SYN1: variants seen among roughly 807,000 people sequenced by gnomAD.
The protein encoded by SYN1 is synapsin-1.
A neutral mutation model predicts 44.6 loss-of-function variants in SYN1; 8 were observed. That is an observed-to-expected ratio of 0.18 (90% confidence interval 0.11 to 0.32). SYN1 has a LOEUF of 0.32. Among genes scored for constraint, SYN1 ranks in the 10% least tolerant of loss-of-function variants. SYN1 has a pLI of 1.00. For synonymous variants in SYN1, 275 were observed against 280.1 expected (o/e 0.98, Z 0.18); for missense variants, 451 against 639.4 (o/e 0.71, Z 3.18).
intron 5 of SYN1, among the ~76,000 whole-genome samples, chrX:47,598,548 C>G (rs1156973965): frequency 2.7e-5 from 3 of 111,792 alleles, no homozygotes; most frequent in Non-Finnish European, 3.8e-5. Flanking sequence ...TAAAAATTGG[C>G]CAGGTGCGGT....
At chrX:47,606,749 ATATT>A (rs1276758062) in intron 3 of SYN1, among the ~76,000 whole-genome samples, 192 bp downstream of exon 3, 2 of 98,963 alleles carry the variant, frequency 2.0e-5, no homozygotes, top group Non-Finnish European at 3.9e-5. Context: ...ATATATATAT[ATATT>A]TTTTTTTAAA....
At chrX:47,573,644 G>C (rs750820155) in intron 12 of SYN1, among the ~76,000 whole-genome samples, 1 of 111,278 alleles carries the variant, frequency 9.0e-6, no homozygotes, top group South Asian at 3.8e-4. Flanking sequence ...TTGGTGGCGG[G>C]GGGGCGAGTT....
rs371739376 is a variant in SYN1 at position 47,619,540 on chromosome X, C to T, written c.189G>A (p.Pro63=). ...CCGAGGACCCGGGGCTAGGGGCGGC[C>T]GGAGAGGCCGCTGGGGCGACCCCGG... The part of the protein sequence containing the change: ...RSSGVAPAAS[P]AAPSPGSSGG... Residue 63 remains proline (P), a synonymous_variant, in exon 1 of 13, where the codon CCG becomes CCA. Transcript: ENST00000295987. 3.4e-6 allele frequency: 4 copies of T among 1,188,113 alleles called. No homozygotes were observed. The African/African-American group carries it at 7.1e-5, about 21-fold the overall frequency.
chrX:47,605,979 G>A (rs924768424), intron 3 of SYN1, among the ~76,000 whole-genome samples: 2 of 108,263 alleles, frequency 1.8e-5, no homozygotes, highest in African/African-American at 6.8e-5. Flanking sequence ...TGTAATCTCC[G>A]CCTCTCGGGT....
chrX:47,589,115 C>G (rs2057838070), intron 5 of SYN1, among the ~76,000 whole-genome samples: 1 of 107,784 alleles, frequency 9.3e-6, no homozygotes, highest in South Asian at 4.1e-4. Flanking sequence ...GCCTGGCCAA[C>G]ATGGTTTCCA....
At chrX:47,619,123 C>T (rs977092965) in intron 1 of SYN1, among the ~76,000 whole-genome samples, 2 of 110,475 alleles carry the variant, frequency 1.8e-5, no homozygotes, top group African/African-American at 3.3e-5. Flanking sequence ...GGAACAGGTA[C>T]GCAGCAGGTG....
chrX:47,584,242 GATTGAGGATGATCAGGT>G (rs1333022937), intron 5 of SYN1, among the ~76,000 whole-genome samples: 6 of 109,153 alleles, frequency 5.5e-5, no homozygotes, highest in African/African-American at 2.0e-4. Flanking sequence ...GATGATCAGA[GATTGAGGATGATCAGGT>G]ATTGAGGATG....
At chrX:47,600,317 G>A (rs991370310) in intron 5 of SYN1, among the ~76,000 whole-genome samples, 8 of 110,588 alleles carry the variant, frequency 7.2e-5, no homozygotes, top group Non-Finnish European at 1.5e-4. Flanking sequence ...TCAGCCTCCT[G>A]AGTAGCTGGG....
At chrX:47,616,728 G>C (rs1433964370) in intron 1 of SYN1, among the ~76,000 whole-genome samples, 1 of 112,107 alleles carries the variant, frequency 8.9e-6, no homozygotes, top group Non-Finnish European at 1.9e-5. Flanking sequence ...AAATAATACA[G>C]TAAGAGATTA....
chrX:47,584,855 T>TATGATG (rs753438356), intron 5 of SYN1: 608 of 851,237 alleles, frequency 7.1e-4, no homozygotes, highest in Non-Finnish European at 9.8e-4. Flanking sequence ...GCTTTGCTGG[T>TATGATG]ATGATGATGA....
At position 47,609,896 on chromosome X, in the gene SYN1, G is replaced by A. The variant is rs763953907; in HGVS notation, c.378-2698C>T. 1.7e-4 allele frequency among the ~76,000 whole-genome samples: 19 copies of A among 111,460 alleles called. No homozygotes were observed. In the South Asian group the frequency reaches 5.7e-3, roughly 33 times the overall value. ...CAGGCCCCCAGGGTTTTGGAGTAGC[G>A]GTGACTTTTCCTGATGGTGGGCTGT... is the stretch of plus-strand genomic sequence containing the variant. On this transcript the variant is annotated intron_variant, in intron 1 of 12. Transcript: ENST00000295987.
chrX:47,617,966 G>C lies in SYN1; in HGVS notation c.377+1386C>G, dbSNP rs146767755. 5.9e-3 allele frequency among the ~76,000 whole-genome samples: 658 copies of C among 112,005 alleles called. 3 individuals are homozygous for C. The highest frequency in any genetic ancestry group is 0.021 in the African/African-American group (631 of 30,747). On this transcript the variant is annotated intron_variant, in intron 1 of 12. Coordinates refer to ENST00000295987, the MANE Select transcript of SYN1 (RefSeq NM_006950.3). ...GCATCCCTGAAGGAAAAGTCCTATG[G>C]GGAGGGGAAATGGGAGTGCAGAAAG...
intron 5 of SYN1, among the ~76,000 whole-genome samples, chrX:47,598,400 GA>G (rs113657775): frequency 0.081 from 8,153 of 100,226 alleles, 693 homozygotes; most frequent in East Asian, 0.25. Context: ...AAACAACTAA[GA>G]AAAAAAAAAA....
rs2057764063 is a variant in SYN1 at position 47,572,800 on chromosome X, G to A, written c.*64C>T. On this transcript the variant is annotated 3_prime_UTR_variant, in exon 13 of 13. Coordinates refer to ENST00000295987, the MANE Select transcript of SYN1 (RefSeq NM_006950.3). ...CAAGGGATTTGGAGACTCCAAAAGT[G>A]AGAAATGGATTCAGGGCCCAGAGAA... 12 of 1,201,815 alleles carry A rather than the reference G, an allele frequency of 1.0e-5. No individual in the cohort carries two copies. Among genetic ancestry groups the A allele is most frequent in the Admixed American group, 8.8e-5 (4 of 45,667 alleles).
In SYN1 at chrX:47,606,415, C is replaced by G. The variant is rs192683034; in HGVS notation, c.527+530G>C. Among the ~76,000 whole-genome samples the G allele has an allele frequency of 2.5e-3, 268 of 109,167 alleles. 1 individual carries two copies. Among genetic ancestry groups the G allele is most frequent in the Middle Eastern group, 4.7e-3 (1 of 213 alleles). 94.8% of individuals were successfully genotyped at this position (109,167 alleles called of 115,157 possible). On this transcript the variant is annotated intron_variant, in intron 3 of 12. Transcript: ENST00000295987. ...CATCTGGCATGCAGCAGATGTCTAG[C>G]AAATGTTTATTTAATTAATAATTGA...
At chrX:47,588,055 C>G (rs1603061207) in intron 5 of SYN1, among the ~76,000 whole-genome samples, 1 of 112,329 alleles carries the variant, frequency 8.9e-6, no homozygotes, top group Non-Finnish European at 1.9e-5. Flanking sequence ...TTTTACACTC[C>G]TGGGAGGTTA....
intron 5 of SYN1, among the ~76,000 whole-genome samples, chrX:47,592,020 T>C (rs2057849547): frequency 8.9e-6 from 1 of 111,820 alleles, no homozygotes; most frequent in East Asian, 2.8e-4. Context: ...TGTCTATTCA[T>C]GGGTCAGCAT....
At chrX:47,585,878 C>T (rs1365012528) in intron 5 of SYN1, 7 of 1,135,301 alleles carry the variant, frequency 6.2e-6, no homozygotes, top group African/African-American at 5.4e-5. Flanking sequence ...TGTCCAATAC[C>T]GTGTGATCAC....
chrX:47,611,921 C>T (rs1052000357), intron 1 of SYN1, among the ~76,000 whole-genome samples: 1 of 111,830 alleles, frequency 8.9e-6, no homozygotes, highest in African/African-American at 3.3e-5. Flanking sequence ...AGCACAATAC[C>T]TAGGAGGCCT....
Sources: allele counts gnomAD v4.1 joint callset (sites outside exome capture counted in the v4.1 genomes callset), GRCh38; gene constraint gnomAD v4.1.1; transcripts MANE v1.5; gene names NCBI Gene and HGNC (gene_info 2026-07-23, HGNC 2026-07-21).